Variants in PCDH11X observed in about 807,000 individuals in gnomAD.
PCDH11X encodes the protein protocadherin-11 X-linked.
A neutral mutation model predicts 53.3 loss-of-function variants in PCDH11X; 18 were observed. That is an observed-to-expected ratio of 0.34 (90% CI 0.23 to 0.50). The LOEUF is 0.50. PCDH11X is among the 20% of genes least tolerant of loss of function. The pLI is 0.98. For missense variants in PCDH11X, 570 were observed against 1,032.4 expected, an observed-to-expected ratio of 0.55 and a Z score of 6.14; for synonymous variants, 279 against 393.3, an observed-to-expected ratio of 0.71 and a Z score of 3.44.
chrX:91,848,210 T>G (rs918863874), intron 5 of PCDH11X, among the ~76,000 whole-genome samples: 8 of 108,708 alleles, frequency 7.4e-5, no homozygotes, highest in African/African-American at 2.3e-4. Context: ...TTTTGTTTTT[T>G]TTTTTTCTTG....
chrX:92,270,423 C>A (rs1411234783), intron 8 of PCDH11X, among the ~76,000 whole-genome samples: 2 of 112,112 alleles, frequency 1.8e-5, no homozygotes, highest in East Asian at 5.6e-4. Context: ...CTGTGTCCAG[C>A]CAAACCACAG....
chrX:92,611,169 T>G (rs1927336708), intron 10 of PCDH11X, among the ~76,000 whole-genome samples: 2 of 110,596 alleles, frequency 1.8e-5, no homozygotes, highest in African/African-American at 6.6e-5. Flanking sequence ...GGAAGAGTGT[T>G]GAATCTGTAT....
At chrX:92,083,387 G>A (rs1388873482) in intron 6 of PCDH11X, among the ~76,000 whole-genome samples, 1 of 111,524 alleles carries the variant, frequency 9.0e-6, no homozygotes, top group African/African-American at 3.3e-5. Flanking sequence ...AACTTAAGAT[G>A]TGTGCTTCCT....
chrX:91,859,036 G>A (rs1938510166), intron 5 of PCDH11X, among the ~76,000 whole-genome samples: 1 of 107,502 alleles, frequency 9.3e-6, no homozygotes, highest in South Asian at 4.3e-4. Context: ...ACCCGAGACT[G>A]GGTAATTTAT....
At chrX:92,123,452 A>G (rs1211317305) in intron 6 of PCDH11X, among the ~76,000 whole-genome samples, 1 of 111,552 alleles carries the variant, frequency 9.0e-6, no homozygotes, top group Non-Finnish European at 1.9e-5. Context: ...TGATGGTATC[A>G]TATCCTATGG....
intron 10 of PCDH11X, among the ~76,000 whole-genome samples, chrX:92,608,531 T>C (rs778403083): frequency 7.3e-4 from 81 of 110,674 alleles, no homozygotes; most frequent in Non-Finnish European, 1.1e-4. Flanking sequence ...TTTTTAAATA[T>C]TTCCACACAT....
At chrX:91,802,411 G>A (rs1935966031) in intron 1 of PCDH11X, among the ~76,000 whole-genome samples, 1 of 111,684 alleles carries the variant, frequency 9.0e-6, no homozygotes, top group South Asian at 3.7e-4. Context: ...CTTGTCTGCT[G>A]TGCTTTTAAC....
At chrX:92,153,546 C>T (rs1569394123) in intron 6 of PCDH11X, among the ~76,000 whole-genome samples, 1 of 111,251 alleles carries the variant, frequency 9.0e-6, no homozygotes, top group African/African-American at 3.3e-5. Context: ...AGATATTTCT[C>T]CTGTAGGTGA....
At chrX:92,330,950 C>T (rs557628264) in intron 8 of PCDH11X, among the ~76,000 whole-genome samples, 207 of 98,778 alleles carry the variant, frequency 2.1e-3, no homozygotes, top group Non-Finnish European at 3.2e-3. Flanking sequence ...TACAAAGAGG[C>T]GCAAGGAAAC....
intron 7 of PCDH11X, among the ~76,000 whole-genome samples, chrX:92,212,605 C>T (rs978599481): frequency 6.3e-5 from 7 of 111,805 alleles, no homozygotes; most frequent in Non-Finnish European, 1.3e-4. Context: ...CCGCCTCGGC[C>T]TCCCAAAGTG....
chrX:92,161,232 ATTTG>A (rs2065636749), intron 6 of PCDH11X, among the ~76,000 whole-genome samples: 1 of 111,458 alleles, frequency 9.0e-6, no homozygotes, highest in African/African-American at 3.3e-5. Context: ...TTCTCTCAGC[ATTTG>A]TTTGTCTGAA....
intron 9 of PCDH11X, among the ~76,000 whole-genome samples, chrX:92,394,223 A>G (rs1282561277): frequency 9.0e-6 from 1 of 111,666 alleles, no homozygotes; most frequent in Non-Finnish European, 1.9e-5. Flanking sequence ...CATTTACAGG[A>G]TTTTATTTGG....
At chrX:91,826,356 A>C (rs1323496960) in intron 4 of PCDH11X, among the ~76,000 whole-genome samples, 4 of 111,479 alleles carry the variant, frequency 3.6e-5, no homozygotes, top group African/African-American at 1.3e-4. Flanking sequence ...AACCCAGTAC[A>C]TGCTTTTATA....
intron 8 of PCDH11X, among the ~76,000 whole-genome samples, chrX:92,318,589 G>C (rs758046806): frequency 6.3e-4 from 70 of 111,325 alleles, no homozygotes; most frequent in African/African-American, 2.3e-3. Context: ...TCTTGCACTG[G>C]TGTGAGGTCA....
At chrX:92,194,194 C>T (rs998041897) in intron 6 of PCDH11X, among the ~76,000 whole-genome samples, 20 of 111,654 alleles carry the variant, frequency 1.8e-4, no homozygotes, top group African/African-American at 6.2e-4. Context: ...TCTGTGCCTA[C>T]ATTGAGGAGT....
At chrX:92,483,870 T>C (rs1271114528) in intron 10 of PCDH11X, among the ~76,000 whole-genome samples, 2 of 109,872 alleles carry the variant, frequency 1.8e-5, no homozygotes, top group African/African-American at 6.6e-5. Context: ...TATGTTTCAT[T>C]GTGAAAGAAC....
At position 92,453,627 on chromosome X, in the gene PCDH11X, A is replaced by G. The variant is rs768521582; in HGVS notation, c.3344-14672A>G. On this transcript the variant is annotated intron_variant, in intron 9 of 10. Coordinates refer to ENST00000682573, the MANE Select transcript of PCDH11X (RefSeq NM_032968.5). Reference sequence around the variant, plus strand: ...GGTACGACATACAGTGCTGTGTTTTACTTTTCTCTATTGTCTACTAAATTA... The same window carrying G: ...GGTACGACATACAGTGCTGTGTTTTGCTTTTCTCTATTGTCTACTAAATTA... Among the ~76,000 whole-genome samples, 396 of 111,092 alleles carry G rather than the reference A, an allele frequency of 3.6e-3. 1 individual carries two copies. The highest frequency in any genetic ancestry group is 0.012 in the African/African-American group (367 of 30,592).
At chrX:92,269,016 G>A (rs919387557) in intron 8 of PCDH11X, among the ~76,000 whole-genome samples, 1 of 111,871 alleles carries the variant, frequency 8.9e-6, no homozygotes, top group Non-Finnish European at 1.9e-5. Context: ...GCATTCCCTG[G>A]ATCTTATATT....
chrX:91,881,686 C>A (rs1444710615), intron 6 of PCDH11X, among the ~76,000 whole-genome samples: 1 of 111,415 alleles, frequency 9.0e-6, no homozygotes, highest in African/African-American at 3.3e-5. Context: ...AATAAGTGAG[C>A]ACTGAAAAAG....
Sources: gnomAD v4.1 joint callset for allele counts (sites outside exome capture counted in the v4.1 genomes callset) on GRCh38, gnomAD v4.1.1 for gene constraint, MANE v1.5 for transcripts, NCBI Gene and HGNC (gene_info 2026-07-23, HGNC 2026-07-21) for gene names.